The following CTCFL variants were observed in gnomAD, a reference collection of about 807,000 sequenced individuals.
CTCFL encodes the protein transcriptional repressor CTCFL.
In CTCFL, 36 loss-of-function variants were observed where a neutral mutation model predicts 67.4. The observed-to-expected ratio is 0.53, with a 90% CI of 0.41 to 0.71. CTCFL has a LOEUF of 0.71. Ranked by LOEUF, CTCFL falls within the 30% of genes least tolerant of loss-of-function variation. The probability of loss-of-function intolerance (pLI) is 0.00; values close to 1 mark genes in which losing one functional copy is unlikely to be tolerated. For synonymous variants in CTCFL, 324 were observed against 302.3 expected, an observed-to-expected ratio of 1.07 and a Z score of -0.75; for missense variants, 786 against 835.2, an observed-to-expected ratio of 0.94 and a Z score of 0.73.
At chr20:57,519,885 C>CT (rs778047752) in intron 3 of CTCFL, among the ~76,000 whole-genome samples, 3 of 152,194 alleles carry the variant, frequency 2.0e-5, no homozygotes, top group Non-Finnish European at 4.4e-5. Flanking sequence ...ATGTGTGACT[C>CT]TTAAATTTGG....
chr20:57,517,224 T>TA (rs1331127196), intron 5 of CTCFL, among the ~76,000 whole-genome samples: 1 of 151,010 alleles, frequency 6.6e-6, no homozygotes. Flanking sequence ...AGAAGGCCAT[T>TA]AAAAAAGACT....
intron 8 of CTCFL, among the ~76,000 whole-genome samples, chr20:57,511,347 T>C (rs927832690): frequency 2.6e-5 from 4 of 152,138 alleles, no homozygotes; most frequent in East Asian, 1.9e-4. Flanking sequence ...GCCATGGTAA[T>C]TTCTTACCAT....
intron 5 of CTCFL, among the ~76,000 whole-genome samples, chr20:57,517,585 A>C (rs1378693579): frequency 1.3e-5 from 2 of 152,086 alleles, no homozygotes; most frequent in East Asian, 1.9e-4. Context: ...GCCAATTCAA[A>C]AGCTTTTTTA....
chr20:57,502,430 G>A (rs1461115907), intron 10 of CTCFL, among the ~76,000 whole-genome samples: 1 of 152,212 alleles, frequency 6.6e-6, no homozygotes, highest in Admixed American at 6.5e-5. Flanking sequence ...CTGAAATTCA[G>A]ATTGAGCTGG....
chr20:57,503,324 G>A lies in CTCFL; in HGVS notation c.1840+112C>T, dbSNP rs1289108678. Reference sequence around the variant, plus strand: ...AAGCCACCTTGCAGGACCGACTGGTGGACAAATAGGGGCTCTGGACACATC... The same window carrying A: ...AAGCCACCTTGCAGGACCGACTGGTAGACAAATAGGGGCTCTGGACACATC... On this transcript the variant is annotated intron_variant, in intron 10 of 10. Transcript: ENST00000243914. 11 of 1,284,990 alleles carry A rather than the reference G, an allele frequency of 8.6e-6. No homozygotes were observed. In the East Asian group the frequency reaches 2.3e-4, roughly 27 times the overall value. 79.6% of individuals were successfully genotyped at this position (1,284,990 alleles called of 1,614,324 possible).
chr20:57,511,119 G>T (rs1255801917), intron 8 of CTCFL, among the ~76,000 whole-genome samples: 1 of 152,172 alleles, frequency 6.6e-6, no homozygotes, highest in Non-Finnish European at 1.5e-5. Context: ...ACAGCCTACT[G>T]CAGCCTCAAC....
intron 9 of CTCFL, 90 bp downstream of exon 9, chr20:57,508,516 A>G (rs1468001282): frequency 4.8e-6 from 6 of 1,262,606 alleles, no homozygotes; most frequent in Non-Finnish European, 6.7e-6. Context: ...GGTTTCTATA[A>G]TCGGGTTTAA....
At chr20:57,512,827 C>A in intron 7 of CTCFL, 75 bp from the exon 8 acceptor site, 1 of 1,447,842 alleles carries the variant, frequency 6.9e-7, no homozygotes. Flanking sequence ...TCCTCTAAAC[C>A]GGGGTTTCTC....
intron 6 of CTCFL, 36 bp from the exon 7 acceptor site, chr20:57,514,777 G>A: frequency 6.3e-7 from 1 of 1,589,632 alleles, no homozygotes; most frequent in East Asian, 2.2e-5. Context: ...CCCCCTCCAG[G>A]CCTGATCCTT....
At chr20:57,523,632 G>T (rs1206596856) in intron 2 of CTCFL, 31 bp downstream of exon 2, 2 of 1,582,352 alleles carry the variant, frequency 1.3e-6, no homozygotes, top group Middle Eastern at 1.7e-4. Flanking sequence ...TCTTTTTCAT[G>T]TAAGGGGTTG....
At chr20:57,515,062 C>T (rs898662751) in intron 6 of CTCFL, 2 of 293,578 alleles carry the variant, frequency 6.8e-6, no homozygotes, top group South Asian at 1.1e-4. Flanking sequence ...CATCAAGTAC[C>T]TCTGTTACAA....
At position 57,498,488 on chromosome 20, in the gene CTCFL, T is replaced by A; in HGVS notation, c.*62A>T. The A allele has an allele frequency of 6.4e-7, 1 of 1,565,440 alleles. No individual in the cohort carries two copies. Among genetic ancestry groups the A allele is most frequent in the Non-Finnish European group, 8.7e-7 (1 of 1,152,620 alleles). On this transcript the variant is annotated 3_prime_UTR_variant, in exon 11 of 11. Coordinates refer to ENST00000243914, the MANE Select transcript of CTCFL (RefSeq NM_001386993.1). ...GTTGAGGAGCATTTCACACCTTAAATGCTAAAAACTTCTAACTTGCTTTAG... is the reference window on the plus strand; with the variant it reads ...GTTGAGGAGCATTTCACACCTTAAAAGCTAAAAACTTCTAACTTGCTTTAG...
intron 9 of CTCFL, chr20:57,507,641 G>A (rs2068284392): frequency 1.4e-6 from 1 of 703,024 alleles, no homozygotes; most frequent in Non-Finnish European, 2.6e-6. Context: ...GCCAGCAGTT[G>A]TGTGGCGGAG....
chr20:57,504,199 A>G (rs1000809913), intron 9 of CTCFL, among the ~76,000 whole-genome samples: 30 of 150,956 alleles, frequency 2.0e-4, no homozygotes, highest in Non-Finnish European at 3.4e-4. Context: ...GATGGTCTCG[A>G]TCTCCTGATA....
intron 9 of CTCFL, chr20:57,507,992 G>C: frequency 1.6e-6 from 1 of 629,720 alleles, no homozygotes. Flanking sequence ...TTTGAGGCCA[G>C]AGTGCAGTGG....
Position 57,497,419 on chromosome 20 carries a change from G to C in CTCFL, c.*1131C>G. The C allele has an allele frequency of 2.0e-6, 2 of 985,148 alleles. No homozygotes were observed. Among genetic ancestry groups the C allele is most frequent in the Non-Finnish European group, 2.4e-6 (2 of 829,738 alleles). 61.0% of individuals were successfully genotyped at this position (985,148 alleles called of 1,614,324 possible). ...TGAACTTGTGATATTTTCAATAAAA[G>C]GTCCATATCTTAAGAATTTGAATTT... On this transcript the variant is annotated 3_prime_UTR_variant, in exon 11 of 11. Coordinates refer to ENST00000243914, the MANE Select transcript of CTCFL (RefSeq NM_001386993.1).
In CTCFL at chr20:57,524,214, G is replaced by T. The variant is rs200736076; in HGVS notation, c.-9C>A. ...ATCTCAGTGGCTGCCATAATGACTTGGCCTGTTTGAAAAATAAGCAAGCGG... is the reference window on the plus strand; with the variant it reads ...ATCTCAGTGGCTGCCATAATGACTTTGCCTGTTTGAAAAATAAGCAAGCGG... On this transcript the variant is annotated splice_region_variant and 5_prime_UTR_variant, in exon 2 of 11. Coordinates refer to ENST00000243914, the MANE Select transcript of CTCFL (RefSeq NM_001386993.1). 26 of 1,607,954 alleles carry T rather than the reference G, an allele frequency of 1.6e-5. No individual in the cohort carries two copies. The highest frequency in any genetic ancestry group is 2.1e-5 in the Non-Finnish European group (25 of 1,177,626).
chr20:57,505,927 T>C lies in CTCFL; in HGVS notation c.1675-2326A>G, dbSNP rs116130101. 4.2e-3 allele frequency among the ~76,000 whole-genome samples: 638 copies of C among 152,366 alleles called. 7 individuals are homozygous for C. Among genetic ancestry groups the C allele is most frequent in the African/African-American group, 0.014 (598 of 41,574 alleles). On this transcript the variant is annotated intron_variant, in intron 9 of 10. Transcript: ENST00000243914. ...AAATTATGCGAAACATCCCGCCTGA[T>C]TCCCATTTTGACTTTCCCACTGTGC...
intron 5 of CTCFL, chr20:57,518,556 A>G (rs904121155): frequency 7.0e-7 from 1 of 1,427,606 alleles, no homozygotes; most frequent in African/African-American, 1.4e-5. Flanking sequence ...TATTTTCACT[A>G]ATTAGTAATC....
Sources: gnomAD v4.1 joint callset for allele counts (sites outside exome capture counted in the v4.1 genomes callset) on GRCh38, gnomAD v4.1.1 for gene constraint, MANE v1.5 for transcripts, NCBI Gene and HGNC (gene_info 2026-07-23, HGNC 2026-07-21) for gene names.